MBNL3: variants seen among roughly 807,000 people sequenced by gnomAD.
The protein encoded by MBNL3 is muscleblind-like protein 3.
MBNL3 carries 6 observed loss-of-function variants against 24.5 expected under a neutral mutation model. That is an observed-to-expected ratio of 0.25 (90% CI 0.13 to 0.48). The LOEUF (loss-of-function observed/expected upper bound fraction) is 0.48. Ranked by LOEUF, MBNL3 falls within the 20% of genes least tolerant of loss-of-function variation. The pLI, the probability that MBNL3 is intolerant of heterozygous loss-of-function variation, is 0.99. For synonymous variants in MBNL3, 100 were observed against 101.7 expected, an observed-to-expected ratio of 0.98 and a Z score of 0.10; for missense variants, 230 against 293.5, an observed-to-expected ratio of 0.78 and a Z score of 1.58.
intron 2 of MBNL3, among the ~76,000 whole-genome samples, chrX:132,415,734 C>T (rs1453670239): frequency 8.9e-6 from 1 of 111,820 alleles, no homozygotes. Context: ...GCATTTTCCT[C>T]ACACTCCTAC....
At chrX:132,395,226 C>T (rs1178227256) in intron 3 of MBNL3, among the ~76,000 whole-genome samples, 1 of 111,468 alleles carries the variant, frequency 9.0e-6, no homozygotes, top group Non-Finnish European at 1.9e-5. Flanking sequence ...CGTTGACTAA[C>T]AGCCATGGGT....
At chrX:132,469,435 C>A (rs2148514774) in intron 1 of MBNL3, among the ~76,000 whole-genome samples, 1 of 112,609 alleles carries the variant, frequency 8.9e-6, no homozygotes, top group African/African-American at 3.2e-5. Context: ...ACATGTAAGG[C>A]AGCACGGCCA....
At chrX:132,411,521 G>T in intron 2 of MBNL3, 1 of 585,720 alleles carries the variant, frequency 1.7e-6, no homozygotes, top group Non-Finnish European at 2.1e-6. Flanking sequence ...AGGCCAAAGG[G>T]GTGGGGTGAC....
intron 1 of MBNL3, among the ~76,000 whole-genome samples, chrX:132,480,064 C>T (rs1034668143): frequency 1.8e-5 from 2 of 111,237 alleles, no homozygotes; most frequent in Non-Finnish European, 3.8e-5. Flanking sequence ...AACCCAGCCT[C>T]GATCTTATTC....
In MBNL3 at chrX:132,386,793, G is replaced by A; in HGVS notation, c.790C>T (p.Leu264=). ...GCTGATCTCTTTGGTATCAGTTGCA[G>A]TGTACCAGGCTGCAGGGCCTGTGGG... The part of the protein sequence containing the change: ...ASAMALQPGT[L]QLIPKRSALE... The change falls in exon 6 of 9, where the codon CTG becomes TTG. Residue 264 remains leucine, a synonymous_variant. Coordinates refer to ENST00000370853, the MANE Select transcript of MBNL3 (RefSeq NM_001386889.1). The A allele has an allele frequency of 8.3e-7, 1 of 1,210,860 alleles. No homozygotes were observed.
At chrX:132,425,456 T>A (rs1202878235) in intron 2 of MBNL3, among the ~76,000 whole-genome samples, 1 of 112,265 alleles carries the variant, frequency 8.9e-6, no homozygotes, top group African/African-American at 3.2e-5. Flanking sequence ...TTTTAAAAAG[T>A]GTCAATTCAT....
rs1176404974 is a variant in MBNL3, at chrX:132,463,110, G to A, written c.-703-22796C>T. Among the ~76,000 whole-genome samples, 5 of 112,351 alleles carry A rather than the reference G, an allele frequency of 4.5e-5. No individual in the cohort carries two copies. The Admixed American group carries it at 4.7e-4, about 11-fold the overall frequency. On this transcript the variant is annotated intron_variant, in intron 1 of 8. Coordinates refer to ENST00000370853, the MANE Select transcript of MBNL3 (RefSeq NM_001386889.1). Reference sequence around the variant, plus strand: ...GTGAAAGAAAAGTACTCATAATTACGCACTCTCATTTATTTAAAAATGCAT... The same window carrying A: ...GTGAAAGAAAAGTACTCATAATTACACACTCTCATTTATTTAAAAATGCAT...
intron 1 of MBNL3, among the ~76,000 whole-genome samples, chrX:132,477,700 G>A (rs1396670784): frequency 9.0e-6 from 1 of 111,348 alleles, no homozygotes; most frequent in African/African-American, 3.3e-5. Context: ...CTCCTAATGG[G>A]TTGCATTCAG....
chrX:132,466,000 A>C (rs886109312), intron 1 of MBNL3, among the ~76,000 whole-genome samples: 4 of 112,135 alleles, frequency 3.6e-5, no homozygotes, highest in Non-Finnish European at 7.5e-5. Context: ...CAAGCCCATC[A>C]TATACTACAA....
At chrX:132,405,093 TA>T (rs1418096096) in intron 3 of MBNL3, among the ~76,000 whole-genome samples, 4 of 112,076 alleles carry the variant, frequency 3.6e-5, no homozygotes, top group African/African-American at 1.3e-4. Flanking sequence ...GAATTTTCAA[TA>T]GAACAATATG....
chrX:132,379,297 C>A lies in MBNL3; in HGVS notation c.*369G>T. 1 of 154,299 alleles carries A rather than the reference C, an allele frequency of 6.5e-6. No individual in the cohort carries two copies. The highest frequency in any genetic ancestry group is 1.7e-4 in the East Asian group (1 of 6,058). 12.7% of individuals were successfully genotyped at this position (154,299 alleles called of 1,213,427 possible). ...AGGTAACACTTCAAAAACAGATGAA[C>A]AATTTATCCACCAAGAATGTATATA... is the stretch of plus-strand genomic sequence containing the variant. On this transcript the variant is annotated 3_prime_UTR_variant, in exon 9 of 9. Coordinates refer to ENST00000370853, the MANE Select transcript of MBNL3 (RefSeq NM_001386889.1).
chrX:132,423,384 C>T (rs1371773216), intron 2 of MBNL3, among the ~76,000 whole-genome samples: 2 of 111,221 alleles, frequency 1.8e-5, no homozygotes, highest in Non-Finnish European at 3.8e-5. Flanking sequence ...TAAACTCACA[C>T]CTTTACTCAC....
At chrX:132,421,461 G>T (rs1261771239) in intron 2 of MBNL3, among the ~76,000 whole-genome samples, 1 of 111,728 alleles carries the variant, frequency 9.0e-6, no homozygotes, top group African/African-American at 3.2e-5. Flanking sequence ...GGATATTATT[G>T]TCAAACAGTC....
chrX:132,411,128 T>C, intron 2 of MBNL3: 2 of 752,906 alleles, frequency 2.7e-6, no homozygotes, highest in Non-Finnish European at 3.1e-6. Context: ...AGGCTGAACG[T>C]TGACCCCCAT....
chrX:132,386,716 G>C lies in MBNL3; in HGVS notation c.867C>G (p.His289Gln). 8.3e-7 allele frequency: 1 copy of C among 1,210,922 alleles called. No individual in the cohort carries two copies. The change falls in exon 6 of 9, where the codon CAC becomes CAG. Residue 289 changes from histidine (H) to glutamine (Q), a missense_variant. Coordinates refer to ENST00000370853, the MANE Select transcript of MBNL3 (RefSeq NM_001386889.1). Reference sequence around the variant, plus strand: ...GCAGGTTAGTCAGAGCCTGTTGGCAGTGGAAAACAGTGGGATTAAAGACCG... The same window carrying C: ...GCAGGTTAGTCAGAGCCTGTTGGCACTGGAAAACAGTGGGATTAAAGACCG... ...ATPVFNPTVF[H>Q]CQQALTNLQL...
chrX:132,396,441 CATATATATTCCTAT>C (rs1378941011), intron 3 of MBNL3, among the ~76,000 whole-genome samples: 8 of 71,749 alleles, frequency 1.1e-4, no homozygotes, highest in African/African-American at 1.6e-4. Flanking sequence ...TATATATATT[CATATATATTCCTAT>C]ATATATATTC....
intron 1 of MBNL3, among the ~76,000 whole-genome samples, chrX:132,476,912 T>A (rs868460445): frequency 5.5e-4 from 61 of 111,560 alleles, no homozygotes; most frequent in African/African-American, 2.0e-3. Flanking sequence ...CCTGAATAAC[T>A]CACACTCAAA....
At chrX:132,443,243 G>A (rs747173991) in intron 1 of MBNL3, among the ~76,000 whole-genome samples, 22 of 111,776 alleles carry the variant, frequency 2.0e-4, no homozygotes, top group Non-Finnish European at 4.0e-4. Flanking sequence ...TGACTGAAAT[G>A]AAGCTCATAG....
chrX:132,389,704 G>A (rs1223522448), intron 5 of MBNL3, among the ~76,000 whole-genome samples: 1 of 110,965 alleles, frequency 9.0e-6, no homozygotes. Flanking sequence ...GAAAGGTCCA[G>A]GGAGAAAAAG....
Sources: allele counts gnomAD v4.1 joint callset (sites outside exome capture counted in the v4.1 genomes callset), GRCh38; gene constraint gnomAD v4.1.1; transcripts MANE v1.5; gene names NCBI Gene and HGNC (gene_info 2026-07-23, HGNC 2026-07-21).